The following METTL15 variants were observed in gnomAD, a reference collection of about 807,000 sequenced individuals.
METTL15 encodes methyltransferase 15, mitochondrial 12S rRNA N4-cytidine.
METTL15 carries 34 observed loss-of-function variants against 38.3 expected under a neutral mutation model. That is an observed-to-expected ratio of 0.89 (90% CI 0.68 to 1.18). METTL15 has a LOEUF of 1.18. Ranked by LOEUF, METTL15 falls within the 50% of genes most tolerant of loss-of-function variation. The pLI, the probability that METTL15 is intolerant of heterozygous loss-of-function variation, is 0.00. For missense variants in METTL15, 438 were observed against 498.4 expected (o/e 0.88, Z 1.15); for synonymous variants, 162 against 170.9 (o/e 0.95, Z 0.41).
intron 6 of METTL15, among the ~76,000 whole-genome samples, chr11:28,439,371 G>A (rs1020900718): frequency 6.6e-6 from 1 of 152,218 alleles, no homozygotes; most frequent in Non-Finnish European, 1.5e-5. Flanking sequence ...TGCTGAGCAT[G>A]TACCCAGGAT....
intron 3 of METTL15, among the ~76,000 whole-genome samples, chr11:28,174,114 T>TA (rs1290761516): frequency 1.3e-5 from 2 of 152,210 alleles, no homozygotes; most frequent in Non-Finnish European, 2.9e-5. Context: ...AGTAGGGAGT[T>TA]ACACTGCCTT....
downstream of METTL15, among the ~76,000 whole-genome samples, chr11:28,336,522 T>A (rs934100403): frequency 1.3e-5 from 2 of 152,306 alleles, no homozygotes; most frequent in East Asian, 3.9e-4. Flanking sequence ...TAAAAGTGTG[T>A]GTTGCAGGTC....
intron 3 of METTL15, among the ~76,000 whole-genome samples, chr11:28,144,693 G>T (rs1332787222): frequency 6.6e-6 from 1 of 151,854 alleles, no homozygotes; most frequent in Non-Finnish European, 1.5e-5. Context: ...CTCTTGTAGT[G>T]GTTTTTAGGA....
At chr11:28,213,424 A>G (rs1349110014) in intron 4 of METTL15, among the ~76,000 whole-genome samples, 1 of 151,980 alleles carries the variant, frequency 6.6e-6, no homozygotes, top group African/African-American at 2.4e-5. Context: ...TAGACACAAG[A>G]TAAGTTCATC....
At chr11:28,210,261 T>G (rs992585476) in intron 3 of METTL15, among the ~76,000 whole-genome samples, 1 of 151,982 alleles carries the variant, frequency 6.6e-6, no homozygotes, top group Non-Finnish European at 1.5e-5. Context: ...CCTGGCAAAA[T>G]TATTACTGGC....
chr11:28,111,312 A>G (rs971432705), intron 2 of METTL15, among the ~76,000 whole-genome samples: 2 of 152,156 alleles, frequency 1.3e-5, no homozygotes, highest in Non-Finnish European at 2.9e-5. Flanking sequence ...TATAGTTCTT[A>G]TTCCTATGTT....
intron 2 of METTL15, 40 bp from the exon 3 acceptor site, chr11:28,113,278 T>A (rs965370912): frequency 7.4e-7 from 1 of 1,356,290 alleles, no homozygotes; most frequent in Non-Finnish European, 1.0e-6. Flanking sequence ...AACATTCTTT[T>A]AAAAAAATCC....
chr11:28,398,185 G>A (rs923966424), intron 5 of METTL15, among the ~76,000 whole-genome samples: 15 of 151,824 alleles, frequency 9.9e-5, no homozygotes, highest in African/African-American at 1.5e-4. Context: ...AAACCTGCAC[G>A]TTGTGCACAT....
chr11:28,194,178 C>CTTTCTTTCTTTCTTTG (rs1373046857), intron 3 of METTL15, among the ~76,000 whole-genome samples: 1 of 12,270 alleles, frequency 8.1e-5, no homozygotes, highest in Non-Finnish European at 1.7e-4. Context: ...CTTTCTTTTT[C>CTTTCTTTCTTTCTTTG]TCTCTCTCTC....
At chr11:28,437,237 CT>C (rs983602304) in intron 6 of METTL15, among the ~76,000 whole-genome samples, 8 of 152,184 alleles carry the variant, frequency 5.3e-5, no homozygotes, top group Non-Finnish European at 7.3e-5. Context: ...TATTGTGGGA[CT>C]TCACCTTGTG....
At chr11:28,437,049 G>A (rs934481310) in intron 6 of METTL15, among the ~76,000 whole-genome samples, 3 of 152,136 alleles carry the variant, frequency 2.0e-5, no homozygotes, top group African/African-American at 7.2e-5. Context: ...GCCCTTGAAC[G>A]TCAGACTCCA....
At chr11:28,449,765 A>T (rs956014232) in intron 6 of METTL15, among the ~76,000 whole-genome samples, 1 of 152,128 alleles carries the variant, frequency 6.6e-6, no homozygotes, top group Non-Finnish European at 1.5e-5. Context: ...GCTGTGTAAG[A>T]AGTCTGACTA....
At chr11:28,484,061 A>G (rs1165733593) in intron 6 of METTL15, among the ~76,000 whole-genome samples, 1 of 152,166 alleles carries the variant, frequency 6.6e-6, no homozygotes, top group African/African-American at 2.4e-5. Context: ...TAGAAGATAT[A>G]TATGCATATA....
chr11:28,177,736 G>A (rs989944845), intron 3 of METTL15, among the ~76,000 whole-genome samples: 12 of 151,902 alleles, frequency 7.9e-5, no homozygotes, highest in East Asian at 3.9e-4. Context: ...TAATGAAAGC[G>A]TTGGAGTCTA....
intron 3 of METTL15, among the ~76,000 whole-genome samples, chr11:28,138,941 C>T (rs79558476): frequency 6.6e-6 from 1 of 152,138 alleles, no homozygotes. Flanking sequence ...TTGGCTACAG[C>T]CTAAGACTAG....
At chr11:28,415,463 T>A (rs1010767307) in intron 5 of METTL15, among the ~76,000 whole-genome samples, 4 of 152,220 alleles carry the variant, frequency 2.6e-5, no homozygotes, top group African/African-American at 9.6e-5. Context: ...TGCACAGTGC[T>A]TTTCAATGAA....
chr11:28,511,989 C>T (rs758352645), intron 6 of METTL15, among the ~76,000 whole-genome samples: 32 of 152,058 alleles, frequency 2.1e-4, no homozygotes, highest in South Asian at 6.2e-4. Context: ...AGGTTCTCCA[C>T]GTCCCCACTA....
At chr11:28,215,601 T>C (rs919309751) in intron 4 of METTL15, among the ~76,000 whole-genome samples, 1 of 152,176 alleles carries the variant, frequency 6.6e-6, no homozygotes, top group Admixed American at 6.5e-5. Context: ...GCTCCTAAAA[T>C]TGTATAAAAT....
chr11:28,454,055 G>A (rs914963040), intron 6 of METTL15, among the ~76,000 whole-genome samples: 1 of 152,186 alleles, frequency 6.6e-6, no homozygotes, highest in African/African-American at 2.4e-5. Context: ...TTACTCTATT[G>A]TGATGTCCCA....
Sources: allele counts gnomAD v4.1 joint callset (sites outside exome capture counted in the v4.1 genomes callset), GRCh38; gene constraint gnomAD v4.1.1; transcripts MANE v1.5; gene names NCBI Gene and HGNC (gene_info 2026-07-23, HGNC 2026-07-21).